Variants in TFPI2 observed in about 807,000 individuals in gnomAD.
TFPI2 encodes the protein placental protein 5.
TFPI2 carries 23 observed loss-of-function variants against 23.1 expected under a neutral mutation model. That is an observed-to-expected ratio of 1.00 (90% confidence interval 0.72 to 1.41). The LOEUF (loss-of-function observed/expected upper bound fraction) is 1.41. Ranked by LOEUF, TFPI2 falls within the 40% of genes most tolerant of loss-of-function variation. The pLI is 0.00. For missense variants in TFPI2, 291 were observed against 299.6 expected (o/e 0.97, Z 0.21); for synonymous variants, 119 against 111.7 (o/e 1.07, Z -0.41).
In TFPI2 at chr7:93,890,611, T is replaced by C. The variant is rs111391943; in HGVS notation, c.68A>G (p.Asp23Gly). Reference sequence around the variant, plus strand: ...GATACCTGTTGGCTCCTGAGCAGCATCGCCCAGTGCAGCCTCCGTCAGGAA... The same window carrying C: ...GATACCTGTTGGCTCCTGAGCAGCACCGCCCAGTGCAGCCTCCGTCAGGAA... ...LLFLTEAALG[D>G]AAQEPTGNNA... The change falls in exon 1 of 5, where the codon GAT (aspartate) becomes GGT (glycine). Residue 23 changes from aspartate (D) to glycine (G), a missense_variant. Coordinates refer to ENST00000222543, the MANE Select transcript of TFPI2 (RefSeq NM_006528.4). 14 of 1,613,338 alleles carry C rather than the reference T, an allele frequency of 8.7e-6. No homozygotes were observed. The African/African-American group carries it at 1.7e-4, about 20-fold the overall frequency.
chr7:93,886,931 T>C, intron 4 of TFPI2, 35 bp from the exon 5 acceptor site: 3 of 1,431,272 alleles, frequency 2.1e-6, no homozygotes, highest in Non-Finnish European at 2.8e-6. Context: ...AAATCATACA[T>C]CTCCAGTCTG....
At chr7:93,888,783 T>C (rs1233786844) in intron 3 of TFPI2, among the ~76,000 whole-genome samples, 2 of 152,000 alleles carry the variant, frequency 1.3e-5, no homozygotes, top group Non-Finnish European at 2.9e-5. Context: ...GCCGAGATTG[T>C]GCCACTGCAC....
Position 93,886,739 on chromosome 7 carries a change from C to A in TFPI2, c.*81G>T. On this transcript the variant is annotated 3_prime_UTR_variant, in exon 5 of 5. Coordinates refer to ENST00000222543, the MANE Select transcript of TFPI2 (RefSeq NM_006528.4). ...ATAAATCACCAATGATTTGTTTCCT[C>A]ATGCTGTCATATTATTCTTCAGATA... is the stretch of plus-strand genomic sequence containing the variant. The A allele has an allele frequency of 1.1e-6, 1 of 908,576 alleles. No individual in the cohort carries two copies. Among genetic ancestry groups the A allele is most frequent in the South Asian group, 1.8e-5 (1 of 56,992 alleles). 56.3% of individuals were successfully genotyped at this position (908,576 alleles called of 1,614,324 possible). A position where few individuals can be genotyped will look rare whatever the true frequency, so the allele number is the denominator to read the frequency against.
rs1490579201 is a variant in TFPI2, at chr7:93,888,576, G to A, written c.460+459C>T. Among the ~76,000 whole-genome samples the A allele has an allele frequency of 7.6e-3, 804 of 105,172 alleles. 11 individuals are homozygous for A. The highest frequency in any genetic ancestry group is 0.033 in the African/African-American group (563 of 16,892). The allele number at this position is 105,172 out of a possible 152,430, so 69.0% of individuals were successfully genotyped here. ...AGGAAGGAAGGAAGGAAGGAAGGAA[G>A]GAAGGAAGGAAAGAGAAAGAAAGAA... On this transcript the variant is annotated intron_variant, in intron 3 of 4. Transcript: ENST00000222543.
chr7:93,890,654 G>A lies in TFPI2; in HGVS notation c.25C>T (p.Leu9=). The part of the protein sequence containing the change: MDPARPLG[L]SILLLFLTEA... ...GTCAGGAAAAGCAGCAGAATCGACA[G>A]CCCCAGGGGGCGAGCGGGGTCCATG... Residue 9 remains leucine, a synonymous_variant, in exon 1 of 5, where the codon CTG becomes TTG. Transcript: ENST00000222543. 8.1e-6 allele frequency: 13 copies of A among 1,613,012 alleles called. No individual in the cohort carries two copies. The highest frequency in any genetic ancestry group is 1.0e-5 in the Non-Finnish European group (12 of 1,179,728).
chr7:93,890,245 C>A lies in TFPI2; in HGVS notation c.163G>T (p.Asp55Tyr). The A allele has an allele frequency of 6.2e-7, 1 of 1,613,984 alleles. No individual in the cohort carries two copies. Among genetic ancestry groups the A allele is most frequent in the Non-Finnish European group, 8.5e-7 (1 of 1,179,858 alleles). Residue 55 changes from aspartate to tyrosine, a missense_variant, in exon 2 of 5, where the codon GAC becomes TAC. By Grantham distance (160) the Asp-to-Tyr change is radical. Coordinates refer to ENST00000222543, the MANE Select transcript of TFPI2 (RefSeq NM_006528.4). ...CRALLLRYYY[D>Y]RYTQSCRQFL... is the part of the protein sequence containing the mutation. Reference sequence around the variant, plus strand: ...TGGCGGCAGCTCTGCGTGTACCTGTCGTAGTAGTAACGGAGAAGTAGGGCC... The same window carrying A: ...TGGCGGCAGCTCTGCGTGTACCTGTAGTAGTAGTAACGGAGAAGTAGGGCC...
chr7:93,890,471 G>A lies in TFPI2; in HGVS notation c.88+120C>T, dbSNP rs574568671. The A allele has an allele frequency of 2.1e-6, 3 of 1,412,570 alleles. No individual in the cohort carries two copies. In the East Asian group the frequency reaches 7.3e-5, roughly 34 times the overall value. 87.5% of individuals were successfully genotyped at this position (1,412,570 alleles called of 1,614,324 possible). On this transcript the variant is annotated intron_variant, in intron 1 of 4. Transcript: ENST00000222543. ...ACTTGGGAGCGAGTCCCCCCTGCCA[G>A]CGGAGCGCGCGGCAGGGACCTGGAG...
chr7:93,890,268 GC>G lies in TFPI2; in HGVS notation c.139del (p.Ala47ProfsTer43), dbSNP rs1303736723. 27 of 1,613,620 alleles carry G rather than the reference GC, an allele frequency of 1.7e-5. No homozygotes were observed. The highest frequency in any genetic ancestry group is 2.3e-5 in the Non-Finnish European group (27 of 1,179,632). On this transcript the variant is annotated frameshift_variant, in exon 2 of 5. Coordinates refer to ENST00000222543, the MANE Select transcript of TFPI2 (RefSeq NM_006528.4). LOFTEE classifies it high-confidence loss of function. The stretch of plus-strand genomic sequence containing the variant: ...GTCGTAGTAGTAACGGAGAAGTAGG[GC>G]CCGGCAGGGTCCGTAGTCTAGGGGC... ...LLPLDYGPCR[A>X]LLLRYYYDRY...
intron 3 of TFPI2, among the ~76,000 whole-genome samples, chr7:93,888,589 G>GGAAGGAAGGAAGGAGAA (rs138314368): frequency 9.7e-6 from 1 of 103,286 alleles, no homozygotes; most frequent in Admixed American, 1.1e-4. Flanking sequence ...AGGAAGGAAA[G>GGAAGGAAGGAAGGAGAA]AGAAAGAAAG....
In TFPI2 at chr7:93,886,710, G is replaced by T; in HGVS notation, c.*110C>A. The T allele has an allele frequency of 1.3e-6, 1 of 783,388 alleles. No individual in the cohort carries two copies. Among genetic ancestry groups the T allele is most frequent in the South Asian group, 1.9e-5 (1 of 51,418 alleles). The allele number at this position is 783,388 out of a possible 1,614,324, so 48.5% of individuals were successfully genotyped here. A position where few individuals can be genotyped will look rare whatever the true frequency, so the allele number is the denominator to read the frequency against. On this transcript the variant is annotated 3_prime_UTR_variant, in exon 5 of 5. Coordinates refer to ENST00000222543, the MANE Select transcript of TFPI2 (RefSeq NM_006528.4). ...AAGTGACTTGTATTAATAAAAACTG[G>T]TGAATAAATCACCAATGATTTGTTT...
In TFPI2 at chr7:93,886,705, A is replaced by G. The variant is rs931179367; in HGVS notation, c.*115T>C. On this transcript the variant is annotated 3_prime_UTR_variant, in exon 5 of 5. Transcript: ENST00000222543. ...TTAAAAAGTGACTTGTATTAATAAA[A>G]ACTGGTGAATAAATCACCAATGATT... The G allele has an allele frequency of 1.2e-5, 9 of 755,122 alleles. No homozygotes were observed. Among genetic ancestry groups the G allele is most frequent in the Non-Finnish European group, 1.9e-5 (9 of 482,166 alleles). The allele number at this position is 755,122 out of a possible 1,614,324, so 46.8% of individuals were successfully genotyped here. A position where few individuals can be genotyped will look rare whatever the true frequency, so the allele number is the denominator to read the frequency against.
In TFPI2 at chr7:93,890,577, G is replaced by C; in HGVS notation, c.88+14C>G. Reference sequence around the variant, plus strand: ...CGCCGGTTGGGGAGAGAAGCTCCTGGAGCGGCCAGATACCTGTTGGCTCCT... The same window carrying C: ...CGCCGGTTGGGGAGAGAAGCTCCTGCAGCGGCCAGATACCTGTTGGCTCCT... On this transcript the variant is annotated intron_variant, in intron 1 of 4. Transcript: ENST00000222543. 1 of 1,612,474 alleles carries C rather than the reference G, an allele frequency of 6.2e-7. No individual in the cohort carries two copies. The highest frequency in any genetic ancestry group is 8.5e-7 in the Non-Finnish European group (1 of 1,179,420).
In TFPI2 at chr7:93,887,307, G is replaced by A. The variant is rs1794013752; in HGVS notation, c.585C>T (p.Asp195=). The A allele has an allele frequency of 6.2e-7, 1 of 1,612,956 alleles. No homozygotes were observed. Among genetic ancestry groups the A allele is most frequent in the Admixed American group, 1.7e-5 (1 of 59,936 alleles). The stretch of plus-strand genomic sequence containing the variant: ...AATCCTCCCTGCTAACAAAGTTATT[G>A]TCATTCCCTCCACAGCCAGTATAGG... ...AFTYTGCGGN[D]NNFVSREDCK... Residue 195 remains aspartate (D), a synonymous_variant, in exon 4 of 5, where the codon GAC becomes GAT. Coordinates refer to ENST00000222543, the MANE Select transcript of TFPI2 (RefSeq NM_006528.4).
chr7:93,888,517 G>A (rs1794040925), intron 3 of TFPI2, among the ~76,000 whole-genome samples: 1 of 121,394 alleles, frequency 8.2e-6, no homozygotes, highest in Admixed American at 9.5e-5. Flanking sequence ...AGAAAGAAAA[G>A]AAAGAAAGAA....
At chr7:93,890,004 G>A in intron 2 of TFPI2, 133 bp downstream of exon 2, 1 of 854,520 alleles carries the variant, frequency 1.2e-6, no homozygotes, top group South Asian at 2.1e-5. Flanking sequence ...TGAAAACCAT[G>A]AGGTTTGCTT....
Position 93,885,510 on chromosome 7 carries a change from A to T in TFPI2, c.*1310T>A, listed in dbSNP as rs1793971025. The stretch of plus-strand genomic sequence containing the variant: ...ACAAATATTATCTCCACAACTGTCC[A>T]CCCCTCTGTTCTCTCCAAACCTCTA... On this transcript the variant is annotated 3_prime_UTR_variant, in exon 5 of 5. Coordinates refer to ENST00000222543, the MANE Select transcript of TFPI2 (RefSeq NM_006528.4). 1 of 151,970 alleles carries T rather than the reference A, an allele frequency of 6.6e-6. No homozygotes were observed. Among genetic ancestry groups the T allele is most frequent in the Non-Finnish European group, 1.5e-5 (1 of 67,920 alleles). The allele number at this position is 151,970 out of a possible 1,614,324, so 9.4% of individuals were successfully genotyped here. A position where few individuals can be genotyped will look rare whatever the true frequency, so the allele number is the denominator to read the frequency against.
intron 3 of TFPI2, among the ~76,000 whole-genome samples, chr7:93,887,706 C>T (rs748084678): frequency 6.6e-6 from 1 of 152,078 alleles, no homozygotes; most frequent in African/African-American, 2.4e-5. Context: ...ACCCAAATAC[C>T]AGATATGGTT....
Position 93,888,540 on chromosome 7 carries a change from G to A in TFPI2, c.460+495C>T, listed in dbSNP as rs545440602. 4.2e-3 allele frequency among the ~76,000 whole-genome samples: 383 copies of A among 90,790 alleles called. 1 individual carries two copies. Among genetic ancestry groups the A allele is most frequent in the African/African-American group, 0.018 (345 of 19,170 alleles). 59.6% of individuals were successfully genotyped at this position (90,790 alleles called of 152,430 possible). A position where few individuals can be genotyped will look rare whatever the true frequency, so the allele number is the denominator to read the frequency against. On this transcript the variant is annotated intron_variant, in intron 3 of 4. Coordinates refer to ENST00000222543, the MANE Select transcript of TFPI2 (RefSeq NM_006528.4). The stretch of plus-strand genomic sequence containing the variant: ...AAGAAAGAAAGAAGGAAGGAAGGAA[G>A]GAAAGAAGGAAGGAAGGAAGGAAGG...
Position 93,889,027 on chromosome 7 carries a change from G to A in TFPI2, c.460+8C>T, listed in dbSNP as rs2115848886. 6.3e-7 allele frequency: 1 copy of A among 1,577,038 alleles called. No homozygotes were observed. Among genetic ancestry groups the A allele is most frequent in the East Asian group, 2.3e-5 (1 of 43,548 alleles). On this transcript the variant is annotated splice_region_variant and intron_variant, in intron 3 of 4. Transcript: ENST00000222543. The stretch of plus-strand genomic sequence containing the variant: ...GTGAAATAGAAATACCATAAAAATC[G>A]TATTTACTTTTCTTTGGTGCGCAGA...
Sources: gnomAD v4.1 joint callset for allele counts (sites outside exome capture counted in the v4.1 genomes callset) on GRCh38, gnomAD v4.1.1 for gene constraint, MANE v1.5 for transcripts, NCBI Gene and HGNC (gene_info 2026-07-23, HGNC 2026-07-21) for gene names.